PCDH15: variants seen among roughly 807,000 people sequenced by gnomAD.
The protein encoded by PCDH15 is protocadherin related 15.
A neutral mutation model predicts 178.5 loss-of-function variants in PCDH15; 129 were observed. The ratio of observed to expected loss-of-function variants is 0.72; its 90% confidence interval spans 0.63 to 0.84. The LOEUF (loss-of-function observed/expected upper bound fraction) is 0.84, where lower values mean the gene tolerates loss of function less well. Among genes scored for constraint, PCDH15 ranks in the 40% least tolerant of loss-of-function variants. The probability of loss-of-function intolerance (pLI) is 0.00; values close to 1 mark genes in which losing one functional copy is unlikely to be tolerated. For missense variants in PCDH15, 2,230 were observed against 2,099.9 expected, an observed-to-expected ratio of 1.06 and a Z score of -1.21; for synonymous variants, 800 against 732.0, an observed-to-expected ratio of 1.09 and a Z score of -1.50.
intron 2 of PCDH15, among the ~76,000 whole-genome samples, chr10:54,609,375 A>G (rs534623207): frequency 1.3e-5 from 2 of 152,218 alleles, no homozygotes; most frequent in East Asian, 3.9e-4. Flanking sequence ...ATTCCACACC[A>G]ATGTCTCAGG....
chr10:54,934,294 TGAGA>T (rs1837851589), intron 2 of PCDH15, among the ~76,000 whole-genome samples: 2 of 152,230 alleles, frequency 1.3e-5, no homozygotes, highest in Non-Finnish European at 2.9e-5. Context: ...ACACATGACA[TGAGA>T]GAGGACCAGA....
intron 1 of PCDH15, among the ~76,000 whole-genome samples, chr10:55,181,722 C>A (rs1480664524): frequency 1.3e-5 from 2 of 151,962 alleles, no homozygotes; most frequent in East Asian, 3.9e-4. Context: ...CTATATTAAA[C>A]TAAAAAGAGG....
At chr10:54,450,410 C>A (rs1232648317) in intron 3 of PCDH15, among the ~76,000 whole-genome samples, 1 of 151,196 alleles carries the variant, frequency 6.6e-6, no homozygotes, top group Non-Finnish European at 1.5e-5. Flanking sequence ...ATAGTTTCTT[C>A]CTTTTTTTAT....
At chr10:53,807,891 A>T (rs1311733594) in intron 37 of PCDH15, among the ~76,000 whole-genome samples, 1 of 152,152 alleles carries the variant, frequency 6.6e-6, no homozygotes, top group East Asian at 1.9e-4. Flanking sequence ...AATCAACATT[A>T]AAAATAGCAA....
At chr10:54,165,996 A>G (rs1049813585) in intron 13 of PCDH15, among the ~76,000 whole-genome samples, 1 of 152,238 alleles carries the variant, frequency 6.6e-6, no homozygotes, top group Admixed American at 6.5e-5. Flanking sequence ...AAAGCCTGTC[A>G]TGACAAAGGG....
At chr10:54,607,650 A>G (rs895037928) in intron 2 of PCDH15, among the ~76,000 whole-genome samples, 2 of 152,116 alleles carry the variant, frequency 1.3e-5, no homozygotes, top group Non-Finnish European at 1.5e-5. Context: ...ATAACGATTC[A>G]ATCAGTAAGA....
chr10:54,440,053 C>T (rs2075699698), intron 3 of PCDH15, among the ~76,000 whole-genome samples: 1 of 151,980 alleles, frequency 6.6e-6, no homozygotes, highest in South Asian at 2.1e-4. Context: ...GGAATTTTGA[C>T]TGGGGGGAAA....
Position 54,585,036 on chromosome 10 carries a change from A to C in PCDH15, c.92-57159T>G, listed in dbSNP as rs182338649. 1.8e-3 allele frequency among the ~76,000 whole-genome samples: 279 copies of C among 152,256 alleles called. 1 individual carries two copies. Among genetic ancestry groups the C allele is most frequent in the African/African-American group, 6.6e-3 (274 of 41,562 alleles). ...AAAATTTTACCAAATTGTACATATA[A>C]AGTCTTCTAAGAACAATATACAAAT... On this transcript the variant is annotated intron_variant, in intron 2 of 37. Coordinates refer to ENST00000644397, the MANE Select transcript of PCDH15 (RefSeq NM_001384140.1).
At chr10:53,988,805 C>T (rs1589786015) in intron 21 of PCDH15, among the ~76,000 whole-genome samples, 1 of 152,094 alleles carries the variant, frequency 6.6e-6, no homozygotes, top group East Asian at 1.9e-4. Flanking sequence ...GACCCAGGTC[C>T]TGTGAGGTAT....
intron 5 of PCDH15, among the ~76,000 whole-genome samples, chr10:54,348,614 C>T (rs960639856): frequency 7.3e-6 from 1 of 136,160 alleles, no homozygotes; most frequent in Non-Finnish European, 1.8e-5. Context: ...TTGTTGTGTA[C>T]AACATGTTGT....
intron 3 of PCDH15, among the ~76,000 whole-genome samples, chr10:54,443,351 C>A (rs2075953641): frequency 6.6e-6 from 1 of 151,112 alleles, no homozygotes; most frequent in African/African-American, 2.4e-5. Context: ...CTTCGGAAGC[C>A]CCTGGGAAAT....
chr10:54,228,646 A>G (rs904514869), intron 9 of PCDH15, among the ~76,000 whole-genome samples: 3 of 152,316 alleles, frequency 2.0e-5, no homozygotes, highest in East Asian at 3.9e-4. Flanking sequence ...CCTGAGAACT[A>G]AGCACTGTAA....
At chr10:55,202,361 T>C (rs1840276531) in intron 1 of PCDH15, among the ~76,000 whole-genome samples, 1 of 152,118 alleles carries the variant, frequency 6.6e-6, no homozygotes, top group Non-Finnish European at 1.5e-5. Flanking sequence ...CCATGGCAGA[T>C]ATAGCTAATT....
intron 2 of PCDH15, among the ~76,000 whole-genome samples, chr10:55,510,611 T>C (rs1018439650): frequency 1.3e-5 from 2 of 151,950 alleles, no homozygotes; most frequent in Non-Finnish European, 2.9e-5. Context: ...TTGTTTGTTC[T>C]GGTAATTTAG....
At position 55,265,311 on chromosome 10, in the gene PCDH15, G is replaced by GATATATATATATATAT. The variant is rs146070132; in HGVS notation, c.-156+54272_-156+54287dup. 9.0e-4 allele frequency among the ~76,000 whole-genome samples: 130 copies of GATATATATATATATAT among 144,236 alleles called. 3 individuals are homozygous for GATATATATATATATAT. Among genetic ancestry groups the GATATATATATATATAT allele is most frequent in the African/African-American group, 2.9e-3 (108 of 37,518 alleles). 94.6% of individuals were successfully genotyped at this position (144,236 alleles called of 152,430 possible). A position where few individuals can be genotyped will look rare whatever the true frequency, so the allele number is the denominator to read the frequency against. ...GATAGATATAGAGATGTATCTCTAT[G>GATATATATATATATAT]ATATATATATATATATAGACATAGA... On this transcript the variant is annotated intron_variant, in intron 1 of 5. Coordinates refer to the PCDH15 transcript ENST00000458638.
At chr10:55,281,389 C>A (rs1172198901) in intron 1 of PCDH15, among the ~76,000 whole-genome samples, 1 of 151,676 alleles carries the variant, frequency 6.6e-6, no homozygotes, top group Non-Finnish European at 1.5e-5. Context: ...TTTAATCTCA[C>A]CCCTCATTAC....
At chr10:54,853,332 T>TAC (rs1301478720) in intron 3 of PCDH15, among the ~76,000 whole-genome samples, 5 of 97,176 alleles carry the variant, frequency 5.1e-5, no homozygotes, top group South Asian at 3.6e-4. Flanking sequence ...TACACACACA[T>TAC]ATACATATAT....
chr10:54,236,970 A>G, intron 8 of PCDH15, 39 bp from the exon 9 acceptor site: 1 of 1,466,620 alleles, frequency 6.8e-7, no homozygotes, highest in Non-Finnish European at 9.6e-7. Flanking sequence ...CAGCCGCATT[A>G]CTAATACTTC....
At chr10:54,806,423 T>G (rs1317315392) in intron 3 of PCDH15, among the ~76,000 whole-genome samples, 1 of 151,998 alleles carries the variant, frequency 6.6e-6, no homozygotes, top group Non-Finnish European at 1.5e-5. Context: ...TGGGGAAGAA[T>G]TCAGGTTGTT....
Sources: allele counts gnomAD v4.1 joint callset (sites outside exome capture counted in the v4.1 genomes callset), GRCh38; gene constraint gnomAD v4.1.1; transcripts MANE v1.5; gene names NCBI Gene and HGNC (gene_info 2026-07-23, HGNC 2026-07-21).